The following TM4SF20 variants were observed in gnomAD, a reference collection of about 807,000 sequenced individuals.
The protein encoded by TM4SF20 is transmembrane 4 L6 family member 20.
A neutral mutation model predicts 15.1 loss-of-function variants in TM4SF20; 13 were observed. That is an observed-to-expected ratio of 0.86 (90% CI 0.56 to 1.36). TM4SF20 has a LOEUF of 1.36. Among genes scored for constraint, TM4SF20 ranks in the 40% most tolerant of loss-of-function variants. The pLI, the probability that TM4SF20 is intolerant of heterozygous loss-of-function variation, is 0.00. For missense variants in TM4SF20, 282 were observed against 268.4 expected (o/e 1.05, Z -0.35); for synonymous variants, 92 against 96.6 (o/e 0.95, Z 0.28).
Position 227,363,441 on chromosome 2 carries a change from C to G in TM4SF20, c.*283G>C. 2 of 217,050 alleles carry G rather than the reference C, an allele frequency of 9.2e-6. No homozygotes were observed. Among genetic ancestry groups the G allele is most frequent in the Non-Finnish European group, 9.0e-6 (1 of 111,470 alleles). 13.4% of individuals were successfully genotyped at this position (217,050 alleles called of 1,614,324 possible). On this transcript the variant is annotated 3_prime_UTR_variant, in exon 4 of 4. Transcript: ENST00000304568. The stretch of plus-strand genomic sequence containing the variant: ...AAAAAAAAAAAAAAAAAGTCCTGTA[C>G]TTTTATTTTCAGGATGACTTCCGTT...
chr2:227,367,343 A>G (rs1365159556), intron 2 of TM4SF20, among the ~76,000 whole-genome samples: 1 of 152,182 alleles, frequency 6.6e-6, no homozygotes, highest in Admixed American at 6.5e-5. Flanking sequence ...AATTTGGCAT[A>G]GGAAACTGAA....
chr2:227,370,735 G>T (rs1042506146), intron 2 of TM4SF20, among the ~76,000 whole-genome samples, 180 bp downstream of exon 2: 2 of 152,144 alleles, frequency 1.3e-5, no homozygotes, highest in Admixed American at 1.3e-4. Context: ...TCCAGTCTCA[G>T]CAACAGAGCA....
chr2:227,364,189 T>C (rs544571647), intron 3 of TM4SF20, among the ~76,000 whole-genome samples, 177 bp from the exon 4 acceptor site: 2 of 152,324 alleles, frequency 1.3e-5, no homozygotes, highest in African/African-American at 4.8e-5. Flanking sequence ...TACAAAACTT[T>C]TATTACTTAT....
At chr2:227,374,840 T>C (rs2076439203) in intron 1 of TM4SF20, among the ~76,000 whole-genome samples, 1 of 151,132 alleles carries the variant, frequency 6.6e-6, no homozygotes, top group East Asian at 2.0e-4. Flanking sequence ...CCTGTAATTC[T>C]GGCACTTCGG....
intron 1 of TM4SF20, among the ~76,000 whole-genome samples, chr2:227,371,500 C>G (rs1186920801): frequency 6.6e-6 from 1 of 152,138 alleles, no homozygotes; most frequent in African/African-American, 2.4e-5. Context: ...ACCACCACAC[C>G]TGGCTAATTT....
chr2:227,366,135 C>G lies in TM4SF20; in HGVS notation c.359G>C (p.Ser120Thr), dbSNP rs146350275. The change falls in exon 3 of 4, where the codon AGC becomes ACC. Residue 120 changes from serine to threonine, a missense_variant. By Grantham distance (58) the Ser-to-Thr change is moderately conservative. Coordinates refer to ENST00000304568, the MANE Select transcript of TM4SF20 (RefSeq NM_024795.4). ...LKGPLMCNSP[S>T]NSNANCEFSL... Reference sequence around the variant, plus strand: ...AAATTCACAATTGGCATTACTGTTGCTTGGAGAATTACACATGAGAGGACC... The same window carrying G: ...AAATTCACAATTGGCATTACTGTTGGTTGGAGAATTACACATGAGAGGACC... 1.5e-5 allele frequency: 24 copies of G among 1,613,822 alleles called. No individual in the cohort carries two copies. Among genetic ancestry groups the G allele is most frequent in the African/African-American group, 6.7e-5 (5 of 75,030 alleles).
chr2:227,377,046 G>A (rs1227662461), intron 1 of TM4SF20, among the ~76,000 whole-genome samples: 3 of 152,022 alleles, frequency 2.0e-5, no homozygotes, highest in East Asian at 1.9e-4. Context: ...TGCCACACCC[G>A]CCACCATCCT....
intron 1 of TM4SF20, among the ~76,000 whole-genome samples, chr2:227,376,317 G>A (rs2076450361): frequency 6.6e-6 from 1 of 151,182 alleles, no homozygotes; most frequent in African/African-American, 2.4e-5. Flanking sequence ...TGAAAGCTCA[G>A]TATTTTGAAC....
intron 2 of TM4SF20, among the ~76,000 whole-genome samples, chr2:227,368,354 T>A (rs1467076902): frequency 7.3e-6 from 1 of 136,370 alleles, no homozygotes; most frequent in Non-Finnish European, 1.6e-5. Context: ...TATATATATA[T>A]AATTTTTTGT....
At chr2:227,380,145 A>G (rs1006529555), upstream of TM4SF20, among the ~76,000 whole-genome samples, 1 of 152,230 alleles carries the variant, frequency 6.6e-6, no homozygotes, top group Admixed American at 6.5e-5. Context: ...TCTGGCCAAC[A>G]TGGCAAAACC....
In TM4SF20 at chr2:227,369,105, A is replaced by G. The variant is rs541911862; in HGVS notation, c.249+1810T>C. ...TTCCAAATTATTATCGTTTACAAAG[A>G]AAAGTGACAGGGAAGGGAAACTGAA... On this transcript the variant is annotated intron_variant, in intron 2 of 3. Coordinates refer to ENST00000304568, the MANE Select transcript of TM4SF20 (RefSeq NM_024795.4). Among the ~76,000 whole-genome samples the G allele has an allele frequency of 2.5e-3, 380 of 152,368 alleles. 2 individuals are homozygous for G. The highest frequency in any genetic ancestry group is 3.5e-3 in the Non-Finnish European group (237 of 68,036).
intron 1 of TM4SF20, among the ~76,000 whole-genome samples, chr2:227,373,406 A>G (rs1410879051): frequency 6.6e-6 from 1 of 152,232 alleles, no homozygotes; most frequent in African/African-American, 2.4e-5. Context: ...GAAAAGGGAA[A>G]AGAAATTTTA....
chr2:227,379,704 T>C (rs572093832), upstream of TM4SF20, among the ~76,000 whole-genome samples: 2 of 152,352 alleles, frequency 1.3e-5, no homozygotes, highest in African/African-American at 4.8e-5. Context: ...AGAAAGGTAT[T>C]TCCTCTGCTG....
intron 2 of TM4SF20, 122 bp downstream of exon 2, chr2:227,370,793 T>C: frequency 1.2e-6 from 1 of 800,952 alleles, no homozygotes; most frequent in African/African-American, 1.7e-5. Context: ...TTTCTAAGGC[T>C]GTGGCTCTGT....
intron 3 of TM4SF20, 35 bp downstream of exon 3, chr2:227,366,058 T>G: frequency 6.3e-7 from 1 of 1,593,910 alleles, no homozygotes; most frequent in East Asian, 2.2e-5. Flanking sequence ...TTCAACTGTG[T>G]GAGACAGTAA....
Position 227,363,858 on chromosome 2 carries a change from G to C in TM4SF20, c.556C>G (p.Leu186Val). ...HFDSEENKHR[L>V]IHFSVFLGLL... ...CCTAAAAATACTGAGAAGTGGATAA[G>C]CCTATGTTTGTTTTCTTCAGAATCG... The change falls in exon 4 of 4, where the codon CTT becomes GTT. Residue 186 changes from leucine to valine, a missense_variant. By Grantham distance (32) the Leu-to-Val change is conservative. Transcript: ENST00000304568. 6.2e-7 allele frequency: 1 copy of C among 1,614,122 alleles called. No homozygotes were observed.
chr2:227,364,086 A>C (rs2076377963), intron 3 of TM4SF20, 74 bp from the exon 4 acceptor site: 1 of 1,393,718 alleles, frequency 7.2e-7, no homozygotes, highest in East Asian at 2.4e-5. Context: ...GTGCACATAA[A>C]AGAATGAGTG....
rs1474067475 is a variant in TM4SF20, at chr2:227,368,017, CTATTTTTTTT to C, written c.250-1783_250-1774del. Among the ~76,000 whole-genome samples the C allele has an allele frequency of 9.4e-5, 11 of 116,714 alleles. No homozygotes were observed. In the East Asian group the frequency reaches 2.6e-3, roughly 28 times the overall value. The allele number at this position is 116,714 out of a possible 152,430, so 76.6% of individuals were successfully genotyped here. A position where few individuals can be genotyped will look rare whatever the true frequency, so the allele number is the denominator to read the frequency against. On this transcript the variant is annotated intron_variant, in intron 2 of 3. Coordinates refer to ENST00000304568, the MANE Select transcript of TM4SF20 (RefSeq NM_024795.4). The stretch of plus-strand genomic sequence containing the variant: ...TGCCATGGTGTTTATTTTTAACCAT[CTATTTTTTTT>C]TTTTTTTTTTTTTGGAGACGGAGTC...
In TM4SF20 at chr2:227,362,370, A is replaced by G. The variant is rs1432504833; in HGVS notation, c.*1354T>C. 2 of 152,236 alleles carry G rather than the reference A, an allele frequency of 1.3e-5. No individual in the cohort carries two copies. Among genetic ancestry groups the G allele is most frequent in the Non-Finnish European group, 2.9e-5 (2 of 68,040 alleles). 9.4% of individuals were successfully genotyped at this position (152,236 alleles called of 1,614,324 possible). A position where few individuals can be genotyped will look rare whatever the true frequency, so the allele number is the denominator to read the frequency against. ...CTGTCACCTAAATATAACAGTAAAC[A>G]TCTCCCCGTTGCTTTTGGTTGAAGT... On this transcript the variant is annotated 3_prime_UTR_variant, in exon 4 of 4. Transcript: ENST00000304568.
Sources: allele counts gnomAD v4.1 joint callset (sites outside exome capture counted in the v4.1 genomes callset), GRCh38; gene constraint gnomAD v4.1.1; transcripts MANE v1.5; gene names NCBI Gene and HGNC (gene_info 2026-07-23, HGNC 2026-07-21).